Variants in ZNF565 observed in about 807,000 individuals in gnomAD.
ZNF565 encodes zinc finger protein 565.
ZNF565 carries 27 observed loss-of-function variants against 39.4 expected under a neutral mutation model. That is an observed-to-expected ratio of 0.69 (90% CI 0.51 to 0.95). The LOEUF (loss-of-function observed/expected upper bound fraction) is 0.95, where lower values mean the gene tolerates loss of function less well. ZNF565 is among the 40% of genes least tolerant of loss of function. The probability of loss-of-function intolerance (pLI) is 0.00; values close to 1 mark genes in which losing one functional copy is unlikely to be tolerated. For missense variants in ZNF565, 524 were observed against 621.1 expected (o/e 0.84, Z 1.66); for synonymous variants, 185 against 216.6 (o/e 0.85, Z 1.28).
In ZNF565 at chr19:36,203,825, C is replaced by T. The variant is rs566369084; in HGVS notation, c.-65-1775G>A. 1.1e-4 allele frequency among the ~76,000 whole-genome samples: 16 copies of T among 152,246 alleles called. No homozygotes were observed. In the East Asian group the frequency reaches 1.5e-3, roughly 15 times the overall value. ...CTCCTCACCTCAGGTGATCCGCCCACCTTGGCCTCCCAAAGTGTTGGGGTT... is the reference window on the plus strand; with the variant it reads ...CTCCTCACCTCAGGTGATCCGCCCATCTTGGCCTCCCAAAGTGTTGGGGTT... On this transcript the variant is annotated intron_variant, in intron 1 of 4. Transcript: ENST00000304116.
intron 1 of ZNF565, among the ~76,000 whole-genome samples, chr19:36,243,618 A>C (rs1429391449): frequency 6.6e-6 from 1 of 152,210 alleles, no homozygotes; most frequent in East Asian, 1.9e-4. Context: ...TGATGGGTTC[A>C]GGGAGCATAA....
chr19:36,201,879 G>T, intron 2 of ZNF565, 98 bp downstream of exon 2: 2 of 1,432,740 alleles, frequency 1.4e-6, no homozygotes, highest in Non-Finnish European at 1.9e-6. Context: ...GACCAACTGT[G>T]AGAAGGATAC....
In ZNF565 at chr19:36,193,310, G is replaced by A. The variant is rs147031905; in HGVS notation, c.232+923C>T. 2.6e-3 allele frequency among the ~76,000 whole-genome samples: 398 copies of A among 151,956 alleles called. 3 individuals are homozygous for A. The highest frequency in any genetic ancestry group is 8.9e-3 in the African/African-American group (368 of 41,440). ...TTTTTGTATTTTTAGTAGAGACGGGGCTTCACCGTGTTGGCCAGGGTGGTC... is the reference window on the plus strand; with the variant it reads ...TTTTTGTATTTTTAGTAGAGACGGGACTTCACCGTGTTGGCCAGGGTGGTC... On this transcript the variant is annotated intron_variant, in intron 4 of 4. Transcript: ENST00000304116.
chr19:36,225,224 G>A (rs931406273), intron 1 of ZNF565, among the ~76,000 whole-genome samples: 8 of 152,140 alleles, frequency 5.3e-5, no homozygotes, highest in African/African-American at 1.9e-4. Context: ...ACTGCTAATA[G>A]CCAAGGTGCA....
intron 1 of ZNF565, among the ~76,000 whole-genome samples, chr19:36,241,043 C>T (rs1472287013): frequency 3.9e-5 from 6 of 152,240 alleles, no homozygotes; most frequent in Non-Finnish European, 8.8e-5. Flanking sequence ...TTCCCAGCCT[C>T]CAGAACTGTG....
intron 1 of ZNF565, among the ~76,000 whole-genome samples, chr19:36,222,975 C>T (rs1278284118): frequency 6.6e-6 from 1 of 151,830 alleles, no homozygotes. Context: ...ACACCAAAGA[C>T]CTTTTTATTC....
At position 36,195,158 on chromosome 19, in the gene ZNF565, T is replaced by C. The variant is rs752201175; in HGVS notation, c.10-2A>G. ...CACGTCCCTGAATGTCACCAGTCCC[T>C]GAAACAATAAACCCACGCATTAGTG... On this transcript the variant is annotated splice_acceptor_variant, in intron 2 of 4. Transcript: ENST00000304116. LOFTEE classifies it high-confidence loss of function. 3 of 1,613,202 alleles carry C rather than the reference T, an allele frequency of 1.9e-6. No individual in the cohort carries two copies. In the South Asian group the frequency reaches 3.3e-5, roughly 18 times the overall value.
Position 36,185,716 on chromosome 19 carries a change from A to ATTT in ZNF565, c.233-1986_233-1984dup, listed in dbSNP as rs201279241. Among the ~76,000 whole-genome samples the ATTT allele has an allele frequency of 2.9e-3, 363 of 125,086 alleles. 21 individuals carry two copies. In the South Asian group the frequency reaches 0.064, roughly 22 times the overall value. 82.1% of individuals were successfully genotyped at this position (125,086 alleles called of 152,430 possible). A position where few individuals can be genotyped will look rare whatever the true frequency, so the allele number is the denominator to read the frequency against. On this transcript the variant is annotated intron_variant, in intron 4 of 4. Coordinates refer to ENST00000304116, the MANE Select transcript of ZNF565 (RefSeq NM_152477.5). ...GGTCTCAGATGAAAACTCACTCTCT[A>ATTT]TTTTTTTTTTTTTTTTTTGAGACAG...
chr19:36,217,902 A>T (rs1438901091), upstream of ZNF565, among the ~76,000 whole-genome samples: 1 of 138,650 alleles, frequency 7.2e-6, no homozygotes, highest in African/African-American at 2.7e-5. Context: ...AAAAAAAAAA[A>T]TTCAAAAGAT....
chr19:36,200,326 G>A (rs960783766), intron 2 of ZNF565, among the ~76,000 whole-genome samples: 2 of 151,504 alleles, frequency 1.3e-5, no homozygotes, highest in African/African-American at 4.8e-5. Context: ...GCATCCAGCC[G>A]AGAAATTTTA....
At chr19:36,238,454 A>AAG (rs1977726308) in intron 1 of ZNF565, 2 of 167,080 alleles carry the variant, frequency 1.2e-5, no homozygotes, top group African/African-American at 4.8e-5. Context: ...CTTTTTATAT[A>AAG]AACATCCACT....
chr19:36,239,485 G>A (rs1337375080), intron 1 of ZNF565, among the ~76,000 whole-genome samples: 1 of 151,030 alleles, frequency 6.6e-6, no homozygotes, highest in African/African-American at 2.4e-5. Context: ...ACTATGCTGT[G>A]CCAATTAAAA....
chr19:36,205,890 C>T (rs1976132513), intron 1 of ZNF565, among the ~76,000 whole-genome samples: 1 of 151,856 alleles, frequency 6.6e-6, no homozygotes, highest in Non-Finnish European at 1.5e-5. Flanking sequence ...CCTGTGTCAA[C>T]TGGCACTGTT....
At chr19:36,211,948 G>A (rs973323708) in intron 1 of ZNF565, among the ~76,000 whole-genome samples, 2 of 152,074 alleles carry the variant, frequency 1.3e-5, no homozygotes, top group African/African-American at 4.8e-5. Flanking sequence ...GATAAGAAAC[G>A]GGATATTCAC....
chr19:36,185,780 G>A (rs1975275183), intron 4 of ZNF565, among the ~76,000 whole-genome samples: 1 of 139,640 alleles, frequency 7.2e-6, no homozygotes, highest in Admixed American at 7.8e-5. Context: ...TGCAACCTCT[G>A]CCTCCCAGGT....
intron 1 of ZNF565, among the ~76,000 whole-genome samples, chr19:36,232,710 G>A (rs983458310): frequency 4.0e-5 from 6 of 150,812 alleles, no homozygotes; most frequent in African/African-American, 1.2e-4. Flanking sequence ...CCGGTTTCAA[G>A]TGATTCTCCT....
At chr19:36,209,712 T>G (rs1976284545) in intron 1 of ZNF565, among the ~76,000 whole-genome samples, 1 of 152,096 alleles carries the variant, frequency 6.6e-6, no homozygotes, top group Non-Finnish European at 1.5e-5. Context: ...GAACAATCTA[T>G]ATTACACATA....
At chr19:36,232,972 A>T (rs1307033041) in intron 1 of ZNF565, among the ~76,000 whole-genome samples, 1 of 152,178 alleles carries the variant, frequency 6.6e-6, no homozygotes, top group African/African-American at 2.4e-5. Flanking sequence ...CCCCATGTGG[A>T]TTGAATAATT....
intron 4 of ZNF565, among the ~76,000 whole-genome samples, chr19:36,191,993 GA>G (rs1975565037): frequency 6.6e-6 from 1 of 151,604 alleles, no homozygotes; most frequent in African/African-American, 2.4e-5. Flanking sequence ...TGATCAAACT[GA>G]ACAGCACCTA....
Sources: allele counts gnomAD v4.1 joint callset (sites outside exome capture counted in the v4.1 genomes callset), GRCh38; gene constraint gnomAD v4.1.1; transcripts MANE v1.5; gene names NCBI Gene and HGNC (gene_info 2026-07-23, HGNC 2026-07-21).